Variants in RBL1 observed in about 807,000 individuals in gnomAD.
The protein encoded by RBL1 is RB transcriptional corepressor like 1.
In RBL1, 82 loss-of-function variants were observed where a neutral mutation model predicts 123.0. That is an observed-to-expected ratio of 0.67 (90% CI 0.56 to 0.80). The LOEUF (loss-of-function observed/expected upper bound fraction) is 0.80. RBL1 is among the 30% of genes least tolerant of loss of function. The pLI, the probability that RBL1 is intolerant of heterozygous loss-of-function variation, is 0.00. For missense variants in RBL1, 1,171 were observed against 1,299.6 expected, an observed-to-expected ratio of 0.90 and a Z score of 1.52; for synonymous variants, 405 against 441.3, an observed-to-expected ratio of 0.92 and a Z score of 1.03.
intron 12 of RBL1, among the ~76,000 whole-genome samples, chr20:37,046,609 C>CTT (rs565859682): frequency 0.092 from 12,931 of 140,142 alleles, 711 homozygotes; most frequent in Non-Finnish European, 0.13. Context: ...TATATATTAT[C>CTT]TTTTTTTTTT....
intron 14 of RBL1, among the ~76,000 whole-genome samples, chr20:37,038,850 G>A (rs2064674942): frequency 6.6e-6 from 1 of 152,026 alleles, no homozygotes; most frequent in Non-Finnish European, 1.5e-5. Context: ...TGATCCGCCT[G>A]CCTTGGCCTC....
intron 1 of RBL1, among the ~76,000 whole-genome samples, chr20:37,090,546 G>A (rs542549304): frequency 3.9e-5 from 6 of 152,216 alleles, no homozygotes; most frequent in East Asian, 3.9e-4. Flanking sequence ...TTAATCTTAC[G>A]CAACATGAAG....
In RBL1 at chr20:37,000,461, A is replaced by C. The variant is rs536344582; in HGVS notation, c.3037-1532T>G. On this transcript the variant is annotated intron_variant, in intron 21 of 21. Coordinates refer to ENST00000373664, the MANE Select transcript of RBL1 (RefSeq NM_002895.5). ...CCAGCCAGCTGCCCGTCCGGGAGGG[A>C]GGTGGGGGGGGTCAGCCCCCCCGCC... Among the ~76,000 whole-genome samples, 716 of 114,242 alleles carry C rather than the reference A, an allele frequency of 6.3e-3. 1 individual carries two copies. The highest frequency in any genetic ancestry group is 9.4e-3 in the Non-Finnish European group (532 of 56,424). The allele number at this position is 114,242 out of a possible 152,430, so 74.9% of individuals were successfully genotyped here.
intron 2 of RBL1, among the ~76,000 whole-genome samples, chr20:37,085,647 A>ATTTTTTTTTTTTTTTTTTTTTTTTTT (rs1202673380): frequency 3.5e-5 from 3 of 84,606 alleles, no homozygotes; most frequent in African/African-American, 4.7e-5. Context: ...TTGAAATTTG[A>ATTTTTTTTTTTTTTTTTTTTTTTTTT]TTTTTTTTTT....
At chr20:37,081,993 TGTCAACTGGCCAG>T (rs2065459326) in intron 2 of RBL1, 3 of 455,962 alleles carry the variant, frequency 6.6e-6, no homozygotes, top group Non-Finnish European at 1.3e-5. Flanking sequence ...GTTGCCAAAA[TGTCAACTGGCCAG>T]GAGACATAGG....
At position 37,018,263 on chromosome 20, in the gene RBL1, A is replaced by C; in HGVS notation, c.2722+16T>G. On this transcript the variant is annotated intron_variant, in intron 19 of 21. Coordinates refer to ENST00000373664, the MANE Select transcript of RBL1 (RefSeq NM_002895.5). ...CAATGTGTTTTACATATAATATGTT[A>C]AATTGGATAACTTACCACAATCTAT... The C allele has an allele frequency of 6.3e-7, 1 of 1,598,746 alleles. No homozygotes were observed. The highest frequency in any genetic ancestry group is 2.2e-5 in the East Asian group (1 of 44,614).
chr20:37,083,429 A>T (rs777420874), intron 2 of RBL1, among the ~76,000 whole-genome samples: 1 of 151,418 alleles, frequency 6.6e-6, no homozygotes, highest in Non-Finnish European at 1.5e-5. Context: ...AGATCGCGAC[A>T]ATGCACTCCA....
At chr20:37,046,607 A>C (rs1187437648) in intron 12 of RBL1, among the ~76,000 whole-genome samples, 3 of 144,064 alleles carry the variant, frequency 2.1e-5, no homozygotes, top group Non-Finnish European at 4.6e-5. Context: ...AATATATATT[A>C]TCTTTTTTTT....
intron 21 of RBL1, among the ~76,000 whole-genome samples, chr20:37,000,913 C>G (rs541958162): frequency 3.7e-5 from 5 of 134,444 alleles, no homozygotes; most frequent in East Asian, 2.4e-4. Flanking sequence ...GTCAGCCCCC[C>G]GCCCGGCCAG....
At chr20:37,053,162 A>G (rs1378561668) in intron 11 of RBL1, among the ~76,000 whole-genome samples, 1 of 152,236 alleles carries the variant, frequency 6.6e-6, no homozygotes, top group Non-Finnish European at 1.5e-5. Context: ...AATATAAAAT[A>G]ACAACATCAA....
chr20:37,012,489 A>G (rs2064171103), intron 19 of RBL1, among the ~76,000 whole-genome samples: 1 of 147,100 alleles, frequency 6.8e-6, no homozygotes, highest in Non-Finnish European at 1.5e-5. Context: ...CCATCGTCTG[A>G]GATGTGGGGA....
Position 37,056,218 on chromosome 20 carries a change from G to A in RBL1, c.1291C>T (p.Leu431=). ...CAGAAAGTCTCTCCTATTCCTTTTA[G>A]TATTTTCATAATGTTTTCCACAGGA... ...RNPVENIMKI[L]KGIGETFCQH... Residue 431 remains leucine (L), a synonymous_variant, in exon 10 of 22, where the codon CTA becomes TTA. Transcript: ENST00000373664. 1 of 1,604,878 alleles carries A rather than the reference G, an allele frequency of 6.2e-7. No individual in the cohort carries two copies. Among genetic ancestry groups the A allele is most frequent in the Non-Finnish European group, 8.5e-7 (1 of 1,176,636 alleles).
intron 2 of RBL1, among the ~76,000 whole-genome samples, chr20:37,074,708 C>T (rs2065337024): frequency 6.6e-6 from 1 of 151,558 alleles, no homozygotes; most frequent in Non-Finnish European, 1.5e-5. Flanking sequence ...GCCTGTAATC[C>T]CAGCCACTCA....
At position 36,997,058 on chromosome 20, in the gene RBL1, C is replaced by G. The variant is rs2063896520; in HGVS notation, c.*1701G>C. On this transcript the variant is annotated 3_prime_UTR_variant, in exon 22 of 22. Coordinates refer to ENST00000373664, the MANE Select transcript of RBL1 (RefSeq NM_002895.5). ...TAGGTGAGTTAAACATTGTGCCTTT[C>G]CAAAATTAAGGTTTGCAGTTAGAAA... 1 of 152,060 alleles carries G rather than the reference C, an allele frequency of 6.6e-6. No individual in the cohort carries two copies. Among genetic ancestry groups the G allele is most frequent in the Non-Finnish European group, 1.5e-5 (1 of 67,998 alleles). The allele number at this position is 152,060 out of a possible 1,614,324, so 9.4% of individuals were successfully genotyped here. A position where few individuals can be genotyped will look rare whatever the true frequency, so the allele number is the denominator to read the frequency against.
At chr20:37,073,017 T>C (rs958197737) in intron 2 of RBL1, among the ~76,000 whole-genome samples, 4 of 152,168 alleles carry the variant, frequency 2.6e-5, no homozygotes, top group Admixed American at 2.6e-4. Context: ...AGTGGCATGA[T>C]TGTGGCTCAC....
intron 21 of RBL1, among the ~76,000 whole-genome samples, chr20:37,000,759 A>G (rs1261227023): frequency 1.8e-3 from 159 of 90,500 alleles, no homozygotes; most frequent in African/African-American, 7.1e-3. Flanking sequence ...CGCCCCGTCC[A>G]GGAGGGAGGC....
chr20:37,005,482 C>A (rs924707092), intron 20 of RBL1, among the ~76,000 whole-genome samples: 1 of 151,750 alleles, frequency 6.6e-6, no homozygotes, highest in South Asian at 2.1e-4. Context: ...TCTCTACACA[C>A]ATACCTGCTC....
intron 6 of RBL1, among the ~76,000 whole-genome samples, chr20:37,065,731 A>C (rs2065167939): frequency 6.6e-6 from 1 of 151,150 alleles, no homozygotes; most frequent in Non-Finnish European, 1.5e-5. Flanking sequence ...CTGCAGCCTC[A>C]GCGTGCCAAG....
At chr20:37,055,770 C>A in intron 10 of RBL1, 114 bp from the exon 11 acceptor site, 2 of 1,063,988 alleles carry the variant, frequency 1.9e-6, no homozygotes, top group South Asian at 3.4e-5. Context: ...CAGGGCAGGC[C>A]GGGAATGGTG....
Sources: allele counts gnomAD v4.1 joint callset (sites outside exome capture counted in the v4.1 genomes callset), GRCh38; gene constraint gnomAD v4.1.1; transcripts MANE v1.5; gene names NCBI Gene and HGNC (gene_info 2026-07-23, HGNC 2026-07-21).